Variants in NPEPPS observed in about 807,000 individuals in gnomAD.
The protein encoded by NPEPPS is aminopeptidase puromycin sensitive.
In NPEPPS, 14 loss-of-function variants were observed where a neutral mutation model predicts 115.5. The ratio of observed to expected loss-of-function variants is 0.12; its 90% CI spans 0.08 to 0.19. NPEPPS has a LOEUF of 0.19. Ranked by LOEUF, NPEPPS falls within the 10% of genes least tolerant of loss-of-function variation. The pLI, the probability that NPEPPS is intolerant of heterozygous loss-of-function variation, is 1.00. For synonymous variants in NPEPPS, 285 were observed against 390.6 expected, an observed-to-expected ratio of 0.73 and a Z score of 3.19; for missense variants, 523 against 1,110.8, an observed-to-expected ratio of 0.47 and a Z score of 7.52.
chr17:47,572,084 G>A (rs996747330), intron 3 of NPEPPS, among the ~76,000 whole-genome samples: 5 of 152,004 alleles, frequency 3.3e-5, no homozygotes, highest in Non-Finnish European at 5.9e-5. Context: ...CAGAGGCTCA[G>A]GGAAGGGGAG....
chr17:47,612,777 C>T (rs1701548192), intron 18 of NPEPPS, among the ~76,000 whole-genome samples, 175 bp downstream of exon 18: 1 of 151,828 alleles, frequency 6.6e-6, no homozygotes, highest in Admixed American at 6.6e-5. Flanking sequence ...GATTCTCCTG[C>T]CTCAGCCTCC....
At chr17:47,618,875 C>G in intron 20 of NPEPPS, 134 bp from the exon 21 acceptor site, 1 of 788,928 alleles carries the variant, frequency 1.3e-6, no homozygotes. Flanking sequence ...CTGAGAACTT[C>G]TGGTTCCAGT....
intron 3 of NPEPPS, among the ~76,000 whole-genome samples, chr17:47,575,492 T>A (rs1911460223): frequency 6.6e-6 from 1 of 151,140 alleles, no homozygotes; most frequent in Non-Finnish European, 1.5e-5. Context: ...TTTTTGATAT[T>A]TTTGGCCAAT....
chr17:47,575,165 C>T (rs1911436797), intron 3 of NPEPPS, among the ~76,000 whole-genome samples: 1 of 152,094 alleles, frequency 6.6e-6, no homozygotes, highest in African/African-American at 2.4e-5. Flanking sequence ...GCCAGTCTAC[C>T]GTCTTCTTTC....
At chr17:47,599,769 TTGA>T (rs1913079627) in intron 14 of NPEPPS, 30 bp downstream of exon 14, 2 of 1,516,546 alleles carry the variant, frequency 1.3e-6, no homozygotes, top group African/African-American at 2.8e-5. Flanking sequence ...TGAGATATGA[TTGA>T]TGAATTTGGA....
chr17:47,562,785 T>TAA (rs3065310), intron 2 of NPEPPS, among the ~76,000 whole-genome samples: 4,740 of 146,316 alleles, frequency 0.032, 107 homozygotes, highest in East Asian at 0.16. Context: ...TAGTTAATTG[T>TAA]AAAAAAAAAA....
chr17:47,566,160 A>AT (rs895058948), intron 2 of NPEPPS, among the ~76,000 whole-genome samples: 10 of 151,436 alleles, frequency 6.6e-5, no homozygotes, highest in African/African-American at 1.9e-4. Context: ...CGTATGACTA[A>AT]TTTTTTTTTA....
chr17:47,580,426 G>A (rs1212155589), intron 4 of NPEPPS: 1 of 152,144 alleles, frequency 6.6e-6, no homozygotes, highest in Non-Finnish European at 1.5e-5. Context: ...GAGAAGGTAT[G>A]TGGGTAATGT....
chr17:47,530,637 G>A (rs1907671234), upstream of NPEPPS, among the ~76,000 whole-genome samples: 1 of 152,114 alleles, frequency 6.6e-6, no homozygotes, highest in Non-Finnish European at 1.5e-5. Context: ...GATTACAGGC[G>A]TGAGACACTG....
chr17:47,603,853 C>A (rs1463129212), intron 15 of NPEPPS, 62 bp from the exon 16 acceptor site: 6 of 1,477,576 alleles, frequency 4.1e-6, no homozygotes, highest in Middle Eastern at 1.7e-4. Flanking sequence ...TTTAAACATA[C>A]AAAAGGTTGA....
rs1386929613 is a variant in NPEPPS, at chr17:47,578,559, A to T, written c.419-831A>T. Reference sequence around the variant, plus strand: ...ATGTTATAAAAAAGAAAGTATATGAACTCAAAAAAGCTCACTTTTTTGTCT... The same window carrying T: ...ATGTTATAAAAAAGAAAGTATATGATCTCAAAAAAGCTCACTTTTTTGTCT... On this transcript the variant is annotated intron_variant, in intron 3 of 22. Transcript: ENST00000322157. Among the ~76,000 whole-genome samples, 3 of 152,134 alleles carry T rather than the reference A, an allele frequency of 2.0e-5. No homozygotes were observed. The South Asian group carries it at 6.2e-4, about 32-fold the overall frequency.
In NPEPPS at chr17:47,532,087, G is replaced by C. The variant is rs1488066835; in HGVS notation, c.255+532G>C. Among the ~76,000 whole-genome samples, 8 of 151,698 alleles carry C rather than the reference G, an allele frequency of 5.3e-5. No individual in the cohort carries two copies. In the East Asian group the frequency reaches 9.7e-4, roughly 18 times the overall value. ...GGAGCGACGAGGGGAGCTTCTAGAA[G>C]GGGGGGGAGAGGGTGAGAACGAGAA... On this transcript the variant is annotated intron_variant, in intron 1 of 22. Transcript: ENST00000322157.
intron 2 of NPEPPS, among the ~76,000 whole-genome samples, chr17:47,567,705 A>ATT (rs1416380131): frequency 6.6e-6 from 1 of 150,406 alleles, no homozygotes; most frequent in African/African-American, 2.5e-5. Flanking sequence ...TTTCCCCTCT[A>ATT]TCACCTAGCC....
chr17:47,582,221 G>A (rs1911923608), intron 4 of NPEPPS: 1 of 163,906 alleles, frequency 6.1e-6, no homozygotes, highest in Non-Finnish European at 1.3e-5. Flanking sequence ...ATATGGAAGT[G>A]CCATTAAATG....
chr17:47,605,586 C>T (rs1913466627), intron 17 of NPEPPS, 34 bp downstream of exon 17: 1 of 1,329,126 alleles, frequency 7.5e-7, no homozygotes, highest in Admixed American at 2.0e-5. Context: ...AAGAATTACG[C>T]AGAAGTTGGT....
In NPEPPS at chr17:47,590,854, C is replaced by T. The variant is rs553008169; in HGVS notation, c.1233C>T (p.Asp411=). Reference sequence around the variant, plus strand: ...ATTACACCCGTGCCCAGGAGCTTGACGCCTTAGATAACAGCCATCCTATTG... The same window carrying T: ...ATTACACCCGTGCCCAGGAGCTTGATGCCTTAGATAACAGCCATCCTATTG... ...SADYTRAQEL[D]ALDNSHPIEV... The change falls in exon 10 of 23, where the codon GAC becomes GAT. Residue 411 remains aspartate, a synonymous_variant. Transcript: ENST00000322157. 34 of 1,596,118 alleles carry T rather than the reference C, an allele frequency of 2.1e-5. No individual in the cohort carries two copies. Among genetic ancestry groups the T allele is most frequent in the African/African-American group, 1.5e-4 (11 of 74,400 alleles).
intron 2 of NPEPPS, among the ~76,000 whole-genome samples, chr17:47,558,458 C>G (rs1910208208): frequency 6.6e-6 from 1 of 151,944 alleles, no homozygotes; most frequent in Non-Finnish European, 1.5e-5. Flanking sequence ...GAGACGGAGT[C>G]TCGCTCTGTC....
At chr17:47,558,886 T>A (rs1158829479) in intron 2 of NPEPPS, among the ~76,000 whole-genome samples, 1 of 151,964 alleles carries the variant, frequency 6.6e-6, no homozygotes, top group African/African-American at 2.4e-5. Context: ...TACAAAAAAT[T>A]AGCCGGGCAT....
intron 2 of NPEPPS, among the ~76,000 whole-genome samples, chr17:47,568,337 A>C (rs1458413054): frequency 2.0e-5 from 3 of 151,942 alleles, no homozygotes; most frequent in African/African-American, 7.3e-5. Flanking sequence ...TGCCTGGCTA[A>C]GTTTTGTATT....
Sources: allele counts gnomAD v4.1 joint callset (sites outside exome capture counted in the v4.1 genomes callset), GRCh38; gene constraint gnomAD v4.1.1; transcripts MANE v1.5; gene names NCBI Gene and HGNC (gene_info 2026-07-23, HGNC 2026-07-21).